Variants in ANKRD30BL observed in about 807,000 individuals in gnomAD.
The protein encoded by ANKRD30BL is putative ankyrin repeat domain-containing protein 30B-like.
Under a neutral mutation model 18.4 loss-of-function variants are expected in ANKRD30BL, and 20 were observed. The ratio of observed to expected loss-of-function variants is 1.09; its 90% confidence interval spans 0.77 to 1.58. The LOEUF (loss-of-function observed/expected upper bound fraction) is 1.58. Ranked by LOEUF, ANKRD30BL falls within the 40% of genes most tolerant of loss-of-function variation. The pLI is 0.00. For synonymous variants in ANKRD30BL, 72 were observed against 100.9 expected (o/e 0.71, Z 1.72); for missense variants, 224 against 268.6 (o/e 0.83, Z 1.16).
intron 1 of ANKRD30BL, among the ~76,000 whole-genome samples, chr2:132,220,592 C>G (rs1186243520): frequency 6.6e-6 from 1 of 152,110 alleles, no homozygotes; most frequent in East Asian, 1.9e-4. Context: ...TCTCCAGCTC[C>G]TAACCGCGAG....
chr2:132,227,135 A>G (rs1679869431), intron 1 of ANKRD30BL, among the ~76,000 whole-genome samples: 1 of 152,096 alleles, frequency 6.6e-6, no homozygotes, highest in Admixed American at 6.6e-5. Context: ...GCAGTTTTGA[A>G]ACACTCTTTT....
intron 1 of ANKRD30BL, 115 bp downstream of exon 1, chr2:132,161,373 C>T (rs1688052037): frequency 2.8e-6 from 3 of 1,060,440 alleles, no homozygotes; most frequent in African/African-American, 1.6e-5. Flanking sequence ...CCGCTGCCCG[C>T]CACTCCTCCA....
intron 1 of ANKRD30BL, among the ~76,000 whole-genome samples, chr2:132,173,136 AT>A (rs61624051): frequency 7.3e-5 from 11 of 149,830 alleles, no homozygotes; most frequent in African/African-American, 2.2e-4. Context: ...ATTTTCTCCT[AT>A]TTTTTTTTCT....
At chr2:132,241,926 A>G (rs1490803889) in intron 1 of ANKRD30BL, among the ~76,000 whole-genome samples, 1 of 151,978 alleles carries the variant, frequency 6.6e-6, no homozygotes, top group Non-Finnish European at 1.5e-5. Context: ...CACAGAGTTG[A>G]ACATTCCTTT....
chr2:132,201,903 T>C (rs550003032), intron 1 of ANKRD30BL, among the ~76,000 whole-genome samples: 5 of 152,166 alleles, frequency 3.3e-5, no homozygotes, highest in East Asian at 1.9e-4. Context: ...AAATGTCCAA[T>C]AATGATAGAC....
chr2:132,222,289 G>T (rs1679713732), intron 1 of ANKRD30BL, among the ~76,000 whole-genome samples: 1 of 151,998 alleles, frequency 6.6e-6, no homozygotes, highest in African/African-American at 2.4e-5. Context: ...CCCCTACTGG[G>T]AAGTGAGGAG....
chr2:132,157,840 TGATA>T (rs1047983755), intron 1 of ANKRD30BL, among the ~76,000 whole-genome samples: 8 of 152,194 alleles, frequency 5.3e-5, no homozygotes, highest in African/African-American at 1.4e-4. Context: ...GCTCAGTAAT[TGATA>T]GATAATGTAA....
intron 1 of ANKRD30BL, among the ~76,000 whole-genome samples, chr2:132,192,717 T>TG (rs1236864448): frequency 1.3e-5 from 2 of 152,222 alleles, no homozygotes; most frequent in East Asian, 3.8e-4. Flanking sequence ...TGTGACTGCA[T>TG]TTGTGTCCCT....
rs1332822498 is a variant in ANKRD30BL at position 132,198,256 on chromosome 2, CTTCTTTCTTTCTTTTCTTTCT to C, written n.442-41131_442-41111del. ...TTTTCTCTTTCATAATTTACTATAC[CTTCTTTCTTTCTTTTCTTTCT>C]TTCTTTCTTTCTTTCTTTCTTTCTT... On this transcript the variant is annotated intron_variant and non_coding_transcript_variant, in intron 1 of 4. Transcript: ENST00000470729. 2.3e-3 allele frequency among the ~76,000 whole-genome samples: 316 copies of C among 136,998 alleles called. 20 individuals carry two copies. The highest frequency in any genetic ancestry group is 9.1e-3 in the African/African-American group (293 of 32,146). The allele number at this position is 136,998 out of a possible 152,430, so 89.9% of individuals were successfully genotyped here.
chr2:132,220,217 G>A (rs1382897162), intron 1 of ANKRD30BL, among the ~76,000 whole-genome samples: 2 of 151,986 alleles, frequency 1.3e-5, no homozygotes, highest in Non-Finnish European at 2.9e-5. Context: ...TTTGTGTTGT[G>A]TGCATTCAAC....
chr2:132,197,463 T>G (rs1678991737), intron 1 of ANKRD30BL, among the ~76,000 whole-genome samples: 1 of 152,148 alleles, frequency 6.6e-6, no homozygotes, highest in Admixed American at 6.5e-5. Context: ...TTTTCTAGAT[T>G]ATAATTTTTA....
chr2:132,199,177 C>A (rs1679040000), intron 1 of ANKRD30BL, among the ~76,000 whole-genome samples: 1 of 151,788 alleles, frequency 6.6e-6, no homozygotes, highest in Non-Finnish European at 1.5e-5. Context: ...TGGTGAAACC[C>A]CATCTCTACT....
At chr2:132,249,701 C>CA (rs1264563265) in intron 1 of ANKRD30BL, among the ~76,000 whole-genome samples, 1 of 152,050 alleles carries the variant, frequency 6.6e-6, no homozygotes, top group Non-Finnish European at 1.5e-5. Flanking sequence ...GCCGATTCTA[C>CA]AAAAATACTG....
intron 1 of ANKRD30BL, among the ~76,000 whole-genome samples, chr2:132,197,091 T>C (rs1468137774): frequency 6.6e-6 from 1 of 152,266 alleles, no homozygotes; most frequent in Non-Finnish European, 1.5e-5. Context: ...TCCATTCTAA[T>C]GGTAGAGAAT....
At chr2:132,164,269 CTTTTTTTTTTTTT>C (rs796313755), upstream of ANKRD30BL, among the ~76,000 whole-genome samples, 1 of 112,224 alleles carries the variant, frequency 8.9e-6, no homozygotes, top group Non-Finnish European at 1.8e-5. Flanking sequence ...TTTTCTTTTT[CTTTTTTTTTTTTT>C]TTTTTTTTTT....
chr2:132,181,696 G>A (rs1688465272), intron 1 of ANKRD30BL, among the ~76,000 whole-genome samples: 1 of 152,148 alleles, frequency 6.6e-6, no homozygotes, highest in Non-Finnish European at 1.5e-5. Flanking sequence ...AAATGAATAT[G>A]TATTTTGTGT....
In ANKRD30BL at chr2:132,217,012, A is replaced by G. The variant is rs1679523741; in HGVS notation, n.441+40517T>C. ...AGTTGAACCTTTCTTTTGATAGGGC[A>G]GGTTTGAAACACTCTTTTTGACGAA... On this transcript the variant is annotated intron_variant and non_coding_transcript_variant, in intron 1 of 4. Transcript: ENST00000470729. Among the ~76,000 whole-genome samples, 4 of 152,178 alleles carry G rather than the reference A, an allele frequency of 2.6e-5. No homozygotes were observed. The South Asian group carries it at 8.3e-4, about 32-fold the overall frequency.
chr2:132,253,853 G>C lies in ANKRD30BL; in HGVS notation n.441+3676C>G, dbSNP rs560860991. Among the ~76,000 whole-genome samples the C allele has an allele frequency of 1.8e-4, 28 of 152,240 alleles. No homozygotes were observed. In the East Asian group the frequency reaches 5.3e-3, roughly 29 times the overall value. On this transcript the variant is annotated intron_variant and non_coding_transcript_variant, in intron 1 of 4. Transcript: ENST00000470729. Reference sequence around the variant, plus strand: ...CCCCTACCCTCGAGACCCCCTAGCGGGAAGGCTGGGGAGAGCAAGCGGGCC... The same window carrying C: ...CCCCTACCCTCGAGACCCCCTAGCGCGAAGGCTGGGGAGAGCAAGCGGGCC...
intron 1 of ANKRD30BL, among the ~76,000 whole-genome samples, chr2:132,233,040 T>C (rs1207028307): frequency 6.6e-6 from 1 of 151,892 alleles, no homozygotes; most frequent in Non-Finnish European, 1.5e-5. Context: ...TCAACATTCT[T>C]AAAGAAAAGA....
Sources: allele counts gnomAD v4.1 joint callset (sites outside exome capture counted in the v4.1 genomes callset), GRCh38; gene constraint gnomAD v4.1.1; transcripts MANE v1.5; gene names NCBI Gene and HGNC (gene_info 2026-07-23, HGNC 2026-07-21).